The following ARHGAP15 variants were observed in gnomAD, a reference collection of about 807,000 sequenced individuals.
The protein encoded by ARHGAP15 is Rho GTPase activating protein 15, also known as rho GTPase-activating protein 15.
In ARHGAP15, 51 loss-of-function variants were observed where a neutral mutation model predicts 63.7. The observed-to-expected ratio is 0.80, with a 90% CI of 0.64 to 1.01. The LOEUF is 1.01. Among genes scored for constraint, ARHGAP15 ranks in the 50% least tolerant of loss-of-function variants. The probability of loss-of-function intolerance (pLI) is 0.00; values close to 1 mark genes in which losing one functional copy is unlikely to be tolerated. For synonymous variants in ARHGAP15, 191 were observed against 193.8 expected (o/e 0.99, Z 0.12); for missense variants, 560 against 564.6 (o/e 0.99, Z 0.08).
At chr2:143,350,732 A>G (rs147989001) in intron 6 of ARHGAP15, among the ~76,000 whole-genome samples, 2,442 of 148,650 alleles carry the variant, frequency 0.016, 65 homozygotes, top group African/African-American at 0.056. Flanking sequence ...CCAACTACTC[A>G]GAAGGCTGAG....
At chr2:143,379,935 T>C (rs1686992241) in intron 6 of ARHGAP15, among the ~76,000 whole-genome samples, 1 of 152,044 alleles carries the variant, frequency 6.6e-6, no homozygotes, top group South Asian at 2.1e-4. Flanking sequence ...AAATTTGCAG[T>C]GGAACAGAGC....
intron 12 of ARHGAP15, among the ~76,000 whole-genome samples, chr2:143,638,227 G>A (rs71350022): frequency 0.29 from 39,407 of 133,596 alleles, 6,908 homozygotes; most frequent in East Asian, 0.61. Flanking sequence ...CACTATTCAC[G>A]ATAGCAAAGA....
chr2:143,422,599 G>T (rs879403166), intron 6 of ARHGAP15, among the ~76,000 whole-genome samples: 3 of 152,114 alleles, frequency 2.0e-5, no homozygotes, highest in Non-Finnish European at 2.9e-5. Context: ...TTGGATGATT[G>T]CTGAATACAC....
Position 143,487,483 on chromosome 2 carries a change from G to T in ARHGAP15, c.814G>T (p.Gly272Ter). 2 of 1,612,334 alleles carry T rather than the reference G, an allele frequency of 1.2e-6. No homozygotes were observed. Among genetic ancestry groups the T allele is most frequent in the East Asian group, 2.2e-5 (1 of 44,810 alleles). The change falls in exon 9 of 14, where the codon GGA (glycine) becomes TGA (stop). Residue 272 changes from glycine to a stop codon, truncating the protein, a stop_gained. Transcript: ENST00000295095. LOFTEE classifies it high-confidence loss of function. ...RPSLKTLQEK[G>*]LIKDQIFGSH... ...TTCCCTGAAAACTCTGCAAGAAAAA[G>T]GACTTATTAAAGGTACAGGTCATTT...
At chr2:143,183,298 G>C (rs1331402617) in intron 2 of ARHGAP15, among the ~76,000 whole-genome samples, 1 of 152,160 alleles carries the variant, frequency 6.6e-6, no homozygotes, top group Admixed American at 6.5e-5. Flanking sequence ...GTCAGGTATT[G>C]TAATTTATTC....
intron 11 of ARHGAP15, 120 bp downstream of exon 11, chr2:143,556,605 A>G: frequency 1.5e-6 from 1 of 683,472 alleles, no homozygotes; most frequent in Non-Finnish European, 2.3e-6. Context: ...GTGAAAGTGG[A>G]AGAAATTTAA....
chr2:143,519,105 G>A, intron 9 of ARHGAP15, 161 bp from the exon 10 acceptor site: 1 of 502,480 alleles, frequency 2.0e-6, no homozygotes, highest in South Asian at 2.1e-5. Context: ...GGAGGGAGTT[G>A]TGGTCTTCAT....
chr2:143,762,095 C>CTGTT (rs1468633669), intron 13 of ARHGAP15, among the ~76,000 whole-genome samples: 2 of 151,866 alleles, frequency 1.3e-5, no homozygotes, highest in Non-Finnish European at 2.9e-5. Flanking sequence ...GCCTTTTTTT[C>CTGTT]TGTTAGTTAA....
At chr2:143,322,119 G>A (rs538836431) in intron 6 of ARHGAP15, among the ~76,000 whole-genome samples, 1 of 152,006 alleles carries the variant, frequency 6.6e-6, no homozygotes, top group African/African-American at 2.4e-5. Flanking sequence ...TATTTCTACT[G>A]TTTTTGGAAC....
intron 9 of ARHGAP15, among the ~76,000 whole-genome samples, chr2:143,506,945 T>C (rs970709910): frequency 2.6e-5 from 4 of 152,194 alleles, no homozygotes; most frequent in Admixed American, 6.5e-5. Context: ...TAATTTTCTT[T>C]TGTAAATTTT....
chr2:143,730,386 C>T (rs1685473136), intron 13 of ARHGAP15, among the ~76,000 whole-genome samples: 1 of 140,812 alleles, frequency 7.1e-6, no homozygotes, highest in African/African-American at 2.4e-5. Flanking sequence ...CGTGCTGACA[C>T]AAAAGTATGC....
At chr2:143,493,793 AT>A (rs1182107531) in intron 9 of ARHGAP15, among the ~76,000 whole-genome samples, 1 of 152,044 alleles carries the variant, frequency 6.6e-6, no homozygotes, top group Non-Finnish European at 1.5e-5. Flanking sequence ...CTTCCCTTCT[AT>A]TACTCTTTAA....
intron 6 of ARHGAP15, among the ~76,000 whole-genome samples, chr2:143,348,330 A>G (rs1685393022): frequency 6.6e-6 from 1 of 152,086 alleles, no homozygotes; most frequent in South Asian, 2.1e-4. Flanking sequence ...AATGTGCGCT[A>G]TTTCTCTGAA....
chr2:143,608,179 G>T (rs1470502255), intron 11 of ARHGAP15: 1 of 152,120 alleles, frequency 6.6e-6, no homozygotes, highest in Non-Finnish European at 1.5e-5. Context: ...AAATTAATAT[G>T]AAAGATCCCA....
chr2:143,389,131 ATTAT>A (rs920836061), intron 6 of ARHGAP15, among the ~76,000 whole-genome samples: 4 of 147,242 alleles, frequency 2.7e-5, no homozygotes, highest in African/African-American at 9.9e-5. Flanking sequence ...TATTATTATT[ATTAT>A]TTTTTATTAT....
intron 6 of ARHGAP15, among the ~76,000 whole-genome samples, chr2:143,254,867 T>TAA (rs10547943): frequency 6.7e-6 from 1 of 148,778 alleles, no homozygotes; most frequent in Non-Finnish European, 1.5e-5. Context: ...TCACTCCTAT[T>TAA]AAAAAAAAAA....
chr2:143,560,340 T>C (rs995499903), intron 11 of ARHGAP15, among the ~76,000 whole-genome samples: 10 of 152,242 alleles, frequency 6.6e-5, no homozygotes, highest in Non-Finnish European at 1.5e-4. Flanking sequence ...CTAAGCACTT[T>C]ATTTACATAA....
intron 11 of ARHGAP15, among the ~76,000 whole-genome samples, chr2:143,561,754 C>A (rs185969461): frequency 1.3e-5 from 2 of 152,108 alleles, no homozygotes; most frequent in Non-Finnish European, 2.9e-5. Flanking sequence ...CTGCCCACTT[C>A]GGCCTTCCAA....
At chr2:143,469,811 T>C (rs1013532129) in intron 8 of ARHGAP15, among the ~76,000 whole-genome samples, 4 of 152,214 alleles carry the variant, frequency 2.6e-5, no homozygotes, top group Non-Finnish European at 5.9e-5. Context: ...TATTTCTTTT[T>C]AATGTGGCTA....
Sources: allele counts gnomAD v4.1 joint callset (sites outside exome capture counted in the v4.1 genomes callset), GRCh38; gene constraint gnomAD v4.1.1; transcripts MANE v1.5; gene names NCBI Gene and HGNC (gene_info 2026-07-23, HGNC 2026-07-21).